Variants in RIMS2 observed in about 807,000 individuals in gnomAD.
RIMS2 encodes the protein regulating synaptic membrane exocytosis protein 2.
Under a neutral mutation model 174.4 loss-of-function variants are expected in RIMS2, and 59 were observed. The observed-to-expected ratio is 0.34, with a 90% CI of 0.27 to 0.42. RIMS2 has a LOEUF of 0.42. Among genes scored for constraint, RIMS2 ranks in the 10% least tolerant of loss-of-function variants. RIMS2 has a pLI of 1.00. For missense variants in RIMS2, 1,620 were observed against 1,666.3 expected, an observed-to-expected ratio of 0.97 and a Z score of 0.48; for synonymous variants, 606 against 572.5, an observed-to-expected ratio of 1.06 and a Z score of -0.84.
chr8:104,040,819 C>T (rs2154557573), intron 19 of RIMS2, among the ~76,000 whole-genome samples: 1 of 151,662 alleles, frequency 6.6e-6, no homozygotes, highest in Middle Eastern at 3.4e-3. Context: ...TTTTTGTGTG[C>T]ACACTGGTTT....
chr8:103,503,922 A>C (rs1821958973), intron 1 of RIMS2, among the ~76,000 whole-genome samples: 1 of 152,096 alleles, frequency 6.6e-6, no homozygotes. Context: ...CTGAATAATT[A>C]AAAGCTATTC....
chr8:104,112,165 A>T (rs1425147331), intron 19 of RIMS2, among the ~76,000 whole-genome samples: 3 of 152,210 alleles, frequency 2.0e-5, no homozygotes, highest in Admixed American at 2.0e-4. Context: ...GTCAAATAAA[A>T]TATTCAAGGT....
At chr8:103,605,597 C>G (rs1380575310) in intron 1 of RIMS2, among the ~76,000 whole-genome samples, 3 of 151,854 alleles carry the variant, frequency 2.0e-5, no homozygotes, top group African/African-American at 7.3e-5. Flanking sequence ...CCTTGTACCT[C>G]TGGTAGAATT....
intron 3 of RIMS2, among the ~76,000 whole-genome samples, chr8:103,883,331 G>C (rs2099178779): frequency 6.6e-6 from 1 of 151,718 alleles, no homozygotes; most frequent in African/African-American, 2.4e-5. Flanking sequence ...CTTAAATCTA[G>C]TGTTCTCTTC....
At chr8:103,666,395 C>G (rs536208027) in intron 1 of RIMS2, among the ~76,000 whole-genome samples, 1 of 152,082 alleles carries the variant, frequency 6.6e-6, no homozygotes, top group African/African-American at 2.4e-5. Context: ...TTCATTTGGT[C>G]AACCGGAGAG....
chr8:103,902,164 C>A (rs1030438397), intron 4 of RIMS2, among the ~76,000 whole-genome samples: 1 of 152,110 alleles, frequency 6.6e-6, no homozygotes, highest in Non-Finnish European at 1.5e-5. Flanking sequence ...TCAGCTCCCC[C>A]ACATCTCCTA....
chr8:103,619,724 C>T (rs374777818), intron 1 of RIMS2, among the ~76,000 whole-genome samples: 70 of 152,174 alleles, frequency 4.6e-4, no homozygotes, highest in East Asian at 3.7e-3. Flanking sequence ...ACCATTTTCT[C>T]GCTTCCTTCA....
At chr8:103,920,633 C>A (rs2154529367) in intron 9 of RIMS2, 2 of 457,048 alleles carry the variant, frequency 4.4e-6, no homozygotes, top group Middle Eastern at 3.3e-4. Flanking sequence ...CATTGGATGT[C>A]CCAGAGGTGT....
intron 19 of RIMS2, among the ~76,000 whole-genome samples, chr8:104,135,366 G>A (rs1484983132): frequency 6.6e-6 from 1 of 152,116 alleles, no homozygotes; most frequent in Non-Finnish European, 1.5e-5. Context: ...GGAGGCCAAG[G>A]CAGGCAGATG....
intron 19 of RIMS2, among the ~76,000 whole-genome samples, chr8:104,150,095 C>T (rs2098676996): frequency 1.3e-5 from 2 of 151,762 alleles, no homozygotes; most frequent in South Asian, 4.2e-4. Flanking sequence ...ACATGTTGGC[C>T]TTTTGAAATT....
At chr8:103,815,677 A>C (rs2098714120) in intron 3 of RIMS2, among the ~76,000 whole-genome samples, 1 of 152,222 alleles carries the variant, frequency 6.6e-6, no homozygotes, top group Admixed American at 6.5e-5. Flanking sequence ...AACAGATAGA[A>C]GGATAGAGAC....
At chr8:103,570,127 G>T (rs149932884) in intron 1 of RIMS2, among the ~76,000 whole-genome samples, 1 of 152,056 alleles carries the variant, frequency 6.6e-6, no homozygotes, top group South Asian at 2.1e-4. Flanking sequence ...AACTGCATTA[G>T]GTAACCCTTC....
intron 19 of RIMS2, among the ~76,000 whole-genome samples, chr8:104,075,371 A>G (rs1349040031): frequency 1.6e-4 from 24 of 152,228 alleles, no homozygotes; most frequent in Admixed American, 1.5e-3. Flanking sequence ...GGAATAAGCA[A>G]TCTACTGTTT....
rs909609835 is a variant in RIMS2, at chr8:103,858,738, C to T, written c.699-26560C>T. On this transcript the variant is annotated intron_variant, in intron 3 of 23. Coordinates refer to ENST00000504942, the Ensembl canonical transcript of RIMS2. The stretch of plus-strand genomic sequence containing the variant: ...ACATACCAATACATACCTATACACA[C>T]ACACACACACACACACACACATATA... 2.7e-5 allele frequency among the ~76,000 whole-genome samples: 4 copies of T among 150,600 alleles called. No individual in the cohort carries two copies. The East Asian group carries it at 7.8e-4, about 29-fold the overall frequency.
intron 4 of RIMS2, among the ~76,000 whole-genome samples, chr8:103,892,234 C>T (rs1039593483): frequency 5.3e-5 from 8 of 151,224 alleles, no homozygotes; most frequent in African/African-American, 1.9e-4. Flanking sequence ...GACAGGGTCT[C>T]ACTCTGTTAT....
At chr8:103,634,547 A>G (rs1203320013) in intron 1 of RIMS2, among the ~76,000 whole-genome samples, 1 of 152,202 alleles carries the variant, frequency 6.6e-6, no homozygotes, top group Non-Finnish European at 1.5e-5. Flanking sequence ...ATTTGGTACA[A>G]TGCTGAGTTC....
intron 1 of RIMS2, among the ~76,000 whole-genome samples, chr8:103,527,959 T>C (rs181553971): frequency 7.2e-5 from 11 of 152,358 alleles, no homozygotes; most frequent in African/African-American, 2.2e-4. Context: ...CCTTGAGGAA[T>C]CACCACACTG....
chr8:103,687,863 A>G (rs928780932), intron 1 of RIMS2, among the ~76,000 whole-genome samples: 1 of 145,610 alleles, frequency 6.9e-6, no homozygotes, highest in Non-Finnish European at 1.5e-5. Flanking sequence ...ATAGCTGAAT[A>G]GTGTTCCATT....
intron 19 of RIMS2, among the ~76,000 whole-genome samples, chr8:104,236,882 C>T (rs1177553268): frequency 6.6e-6 from 1 of 152,006 alleles, no homozygotes; most frequent in African/African-American, 2.4e-5. Flanking sequence ...AAACTTTAGT[C>T]AATAGTCATA....
Sources: allele counts gnomAD v4.1 joint callset (sites outside exome capture counted in the v4.1 genomes callset), GRCh38; gene constraint gnomAD v4.1.1; transcripts MANE v1.5; gene names NCBI Gene and HGNC (gene_info 2026-07-23, HGNC 2026-07-21).